The following MUC4 variants were observed in gnomAD, a reference collection of about 807,000 sequenced individuals.
MUC4 encodes mucin-4.
A neutral mutation model predicts 257.9 loss-of-function variants in MUC4; 202 were observed. The ratio of observed to expected loss-of-function variants is 0.78; its 90% CI spans 0.70 to 0.88. The LOEUF is 0.88. MUC4 is among the 40% of genes least tolerant of loss of function. MUC4 has a pLI of 0.00. For missense variants in MUC4, 5,976 were observed against 6,513.7 expected, an observed-to-expected ratio of 0.92 and a Z score of 2.84; for synonymous variants, 2,351 against 2,757.1, an observed-to-expected ratio of 0.85 and a Z score of 4.62.
intron 18 of MUC4, among the ~76,000 whole-genome samples, chr3:195,754,806 GTA>G (rs1219519702): frequency 5.9e-5 from 9 of 151,338 alleles, no homozygotes; most frequent in African/African-American, 2.2e-4. Context: ...ATGTATGCAT[GTA>G]TGTATCCATG....
intron 12 of MUC4, 69 bp downstream of exon 12, chr3:195,763,364 C>T (rs1719665247): frequency 3.7e-6 from 5 of 1,349,974 alleles, no homozygotes; most frequent in Non-Finnish European, 4.8e-6. Context: ...TCCTTCTCCT[C>T]GGCCTCAGTA....
At position 195,778,256 on chromosome 3, in the gene MUC4, G is replaced by C. The variant is rs73085315; in HGVS notation, c.12943+47C>G. 26,789 of 1,539,226 alleles carry C rather than the reference G, an allele frequency of 0.017. 4,217 individuals carry two copies. The African/African-American group carries it at 0.33, about 19-fold the overall frequency. The stretch of plus-strand genomic sequence containing the variant: ...GAAGTAGGCTGAGAGGGAGCCTTCA[G>C]TTACATCACCCCTCAAAAGGCACAG... On this transcript the variant is annotated intron_variant, in intron 3 of 24. Transcript: ENST00000463781.
intron 1 of MUC4, among the ~76,000 whole-genome samples, chr3:195,804,970 G>C (rs2641772): frequency 1.3e-5 from 2 of 152,026 alleles, no homozygotes; most frequent in Non-Finnish European, 2.9e-5. Context: ...CAGTGACTTC[G>C]TACACATCTG....
chr3:195,752,964 C>G (rs1716770911), intron 20 of MUC4, 87 bp downstream of exon 20: 1 of 1,205,488 alleles, frequency 8.3e-7, no homozygotes, highest in Non-Finnish European at 1.2e-6. Flanking sequence ...GCTTCCTCAT[C>G]TTCCCCAAAG....
rs767684941 is a variant in MUC4 at position 195,789,022 on chromosome 3, C to A, written c.2558G>T (p.Ser853Ile). The A allele has an allele frequency of 6.2e-7, 1 of 1,613,760 alleles. No homozygotes were observed. The highest frequency in any genetic ancestry group is 1.3e-5 in the African/African-American group (1 of 74,864). The change falls in exon 2 of 25, where the codon AGT becomes ATT. Residue 853 changes from serine to isoleucine, a missense_variant. Physicochemically the swap from Ser to Ile is moderately radical, Grantham distance 142 (BLOSUM62 -2). This residue lies in a region of MUC4 where 1,583 missense variants were observed against 1,257.4 expected (regional missense o/e 1.26). Transcript: ENST00000463781. ...TGTGCTTACTGGGATGGCACCATGA[C>A]TGGCTGAGGCGGACAGCAATTCGGT... Reference protein sequence around the residue: ...STTELLSASASHGAIPVSTGM... With the variant: ...STTELLSASAIHGAIPVSTGM...
At chr3:195,796,516 T>G (rs1560412168) in intron 1 of MUC4, among the ~76,000 whole-genome samples, 4 of 151,570 alleles carry the variant, frequency 2.6e-5, no homozygotes, top group African/African-American at 9.7e-5. Flanking sequence ...ATTGAGACCA[T>G]CCTGGCTAAC....
chr3:195,802,759 T>A (rs1184352475), intron 1 of MUC4, among the ~76,000 whole-genome samples: 1 of 152,198 alleles, frequency 6.6e-6, no homozygotes, highest in Non-Finnish European at 1.5e-5. Context: ...GCTTCTGTAA[T>A]AAGAAATGGC....
intron 1 of MUC4, among the ~76,000 whole-genome samples, chr3:195,801,815 C>A (rs541186478): frequency 6.6e-6 from 1 of 152,222 alleles, no homozygotes; most frequent in East Asian, 1.9e-4. Context: ...ATTGCGCCCC[C>A]CCCTCCACGT....
At position 195,788,512 on chromosome 3, in the gene MUC4, G is replaced by A; in HGVS notation, c.3068C>T (p.Thr1023Ile). ...SPSSVSTGHT[T>I]PLPVTDTSSE... ...GGAAGTGTCGGTGACAGGAAGAGGG[G>A]TGGTGTGACCTGTGGATACTGAGGA... is the stretch of plus-strand genomic sequence containing the variant. Residue 1023 changes from threonine (T) to isoleucine (I), a missense_variant, in exon 2 of 25, where the codon ACC becomes ATC. Transcript: ENST00000463781. 1 of 1,446,632 alleles carries A rather than the reference G, an allele frequency of 6.9e-7. No individual in the cohort carries two copies. The highest frequency in any genetic ancestry group is 9.2e-7 in the Non-Finnish European group (1 of 1,083,764). The allele number at this position is 1,446,632 out of a possible 1,614,324, so 89.6% of individuals were successfully genotyped here. A position where few individuals can be genotyped will look rare whatever the true frequency, so the allele number is the denominator to read the frequency against.
At position 195,761,044 on chromosome 3, in the gene MUC4, G is replaced by T. The variant is rs780498177; in HGVS notation, c.14688C>A (p.Tyr4896Ter). 1.2e-6 allele frequency: 2 copies of T among 1,614,200 alleles called. No homozygotes were observed. Among genetic ancestry groups the T allele is most frequent in the Non-Finnish European group, 1.7e-6 (2 of 1,180,006 alleles). The change falls in exon 16 of 25, where the codon TAC becomes TAA. Residue 4896 changes from tyrosine to a stop codon, truncating the protein, a stop_gained. Coordinates refer to ENST00000463781, the MANE Select transcript of MUC4 (RefSeq NM_018406.7). LOFTEE classifies it high-confidence loss of function. ...QLPSNFTPVF[Y>*]SQLQKNSSWA... The stretch of plus-strand genomic sequence containing the variant: ...AGGAGCTGTTTTTTTGCAGTTGTGA[G>T]TAGAAAACAGGGGTGAAGTTGGAAG...
intron 4 of MUC4, among the ~76,000 whole-genome samples, 178 bp downstream of exon 4, chr3:195,773,994 C>G (rs1723776632): frequency 6.6e-6 from 1 of 152,248 alleles, no homozygotes. Flanking sequence ...GGTGGGCAGC[C>G]CTCGCCTGGC....
intron 3 of MUC4, 134 bp downstream of exon 3, chr3:195,778,169 C>G: frequency 8.2e-7 from 1 of 1,224,240 alleles, no homozygotes; most frequent in Non-Finnish European, 1.1e-6. Flanking sequence ...TCAGGAGCGA[C>G]TCCGATGCTG....
Position 195,784,043 on chromosome 3 carries a change from GA to G in MUC4, c.7536del (p.Leu2513TyrfsTer491). On this transcript the variant is annotated frameshift_variant, in exon 2 of 25. Coordinates refer to ENST00000463781, the MANE Select transcript of MUC4 (RefSeq NM_018406.7). LOFTEE classifies it high-confidence loss of function. ...PSSASTGHTT[P>X]LPVTDTPSAS... ...GCTGAGGGAGTGTCGGTGACAGGTA[GA>G]GGGGTGGTGTGACCTGTAGATGCTG... 2 of 1,525,202 alleles carry G rather than the reference GA, an allele frequency of 1.3e-6. No homozygotes were observed. The highest frequency in any genetic ancestry group is 1.2e-5 in the South Asian group (1 of 83,442). 94.5% of individuals were successfully genotyped at this position (1,525,202 alleles called of 1,614,324 possible).
At chr3:195,760,813 G>C in intron 16 of MUC4, 71 bp downstream of exon 16, 1 of 1,266,900 alleles carries the variant, frequency 7.9e-7, no homozygotes, top group Admixed American at 1.7e-5. Flanking sequence ...GGGAAAAGCA[G>C]GGTCAGGCAA....
chr3:195,748,793 C>G, intron 24 of MUC4, 109 bp downstream of exon 24: 1 of 1,360,340 alleles, frequency 7.4e-7, no homozygotes, highest in Non-Finnish European at 9.7e-7. Flanking sequence ...CCTCTCTTCC[C>G]TGGTCTCTGA....
chr3:195,794,705 C>A (rs1283551488), intron 1 of MUC4, among the ~76,000 whole-genome samples: 1 of 152,134 alleles, frequency 6.6e-6, no homozygotes, highest in Non-Finnish European at 1.5e-5. Flanking sequence ...CAAGATGATA[C>A]TCAGAGAGAC....
At chr3:195,767,915 G>GCCACCACCATCACCACCATCACCACCA (rs71180959) in intron 7 of MUC4, among the ~76,000 whole-genome samples, 1 of 110,848 alleles carries the variant, frequency 9.0e-6, no homozygotes, top group African/African-American at 3.7e-5. Context: ...CATCACCATC[G>GCCACCACCATCACCACCATCACCACCA]CCACTGCCAC....
In MUC4 at chr3:195,791,147, C is replaced by G; in HGVS notation, c.433G>C (p.Asp145His). Reference protein sequence around the residue: ...SKTITMTTSTDSTLGNTEETS... With the variant: ...SKTITMTTSTHSTLGNTEETS... ...TCTTCTGTGTTTCCAAGAGTGGAGT[C>G]TGTGGAGGTTGTCATTGTTATAGTC... The change falls in exon 2 of 25, where the codon GAC becomes CAC. Residue 145 changes from aspartate to histidine, a missense_variant. This residue lies in a region of MUC4 where 1,583 missense variants were observed against 1,257.4 expected (regional missense o/e 1.26). Coordinates refer to ENST00000463781, the MANE Select transcript of MUC4 (RefSeq NM_018406.7). 1.2e-6 allele frequency: 2 copies of G among 1,613,782 alleles called. No individual in the cohort carries two copies. Among genetic ancestry groups the G allele is most frequent in the Non-Finnish European group, 1.7e-6 (2 of 1,179,870 alleles).
At chr3:195,802,597 C>G (rs1735487366) in intron 1 of MUC4, among the ~76,000 whole-genome samples, 1 of 152,046 alleles carries the variant, frequency 6.6e-6, no homozygotes, top group South Asian at 2.1e-4. Flanking sequence ...GGGCGTGGGT[C>G]TAGTGGTCAG....
Sources: gnomAD v4.1 joint callset for allele counts (sites outside exome capture counted in the v4.1 genomes callset) on GRCh38, gnomAD v4.1.1 for gene constraint, gnomAD v4.1.1 regional missense constraint, MANE v1.5 for transcripts, NCBI Gene and HGNC (gene_info 2026-07-23, HGNC 2026-07-21) for gene names.